NIT2: variants seen among roughly 807,000 people sequenced by gnomAD.
NIT2 encodes omega-amidase NIT2.
A neutral mutation model predicts 42.7 loss-of-function variants in NIT2; 46 were observed. The ratio of observed to expected loss-of-function variants is 1.08; its 90% CI spans 0.85 to 1.38. The LOEUF is 1.38. Ranked by LOEUF, NIT2 falls within the 40% of genes most tolerant of loss-of-function variation. The pLI is 0.00. For synonymous variants in NIT2, 123 were observed against 121.9 expected (o/e 1.01, Z -0.06); for missense variants, 309 against 342.5 (o/e 0.90, Z 0.77).
intron 7 of NIT2, chr3:100,350,113 C>G (rs1290668461): frequency 6.6e-6 from 1 of 152,136 alleles, no homozygotes. Flanking sequence ...TAGTACTCCT[C>G]CCTCTGCCTA....
At chr3:100,339,390 G>C (rs1043850794) in intron 2 of NIT2, among the ~76,000 whole-genome samples, 185 bp downstream of exon 2, 1 of 152,108 alleles carries the variant, frequency 6.6e-6, no homozygotes, top group South Asian at 2.1e-4. Context: ...GTGCCAACAC[G>C]GTCATAGGTC....
chr3:100,352,060 A>G (rs1706280527), intron 7 of NIT2, among the ~76,000 whole-genome samples: 1 of 152,214 alleles, frequency 6.6e-6, no homozygotes. Context: ...CCACAATGAG[A>G]TACCATCTCA....
At chr3:100,338,207 CT>C (rs1312076002) in intron 1 of NIT2, among the ~76,000 whole-genome samples, 2 of 152,228 alleles carry the variant, frequency 1.3e-5, no homozygotes, top group Admixed American at 6.5e-5. Flanking sequence ...CCCCAACCTC[CT>C]TGCTCCAGGG....
At chr3:100,347,937 C>G (rs572931181) in intron 6 of NIT2, among the ~76,000 whole-genome samples, 73 of 152,002 alleles carry the variant, frequency 4.8e-4, no homozygotes, top group African/African-American at 1.6e-3. Flanking sequence ...GTTGCCCAGG[C>G]TGGAGTGCAG....
rs1706348493 is a variant in NIT2 at position 100,358,986 on chromosome 3, T to C, written c.*3718T>C. The C allele has an allele frequency of 6.6e-6, 1 of 152,228 alleles. No homozygotes were observed. The highest frequency in any genetic ancestry group is 2.1e-4 in the South Asian group (1 of 4,832). 9.4% of individuals were successfully genotyped at this position (152,228 alleles called of 1,614,324 possible). The stretch of plus-strand genomic sequence containing the variant: ...CTCTTCCTTATGCCTCATAACCACC[T>C]GTGTGTGACAGTTTCACATTTCCTA... On this transcript the variant is annotated 3_prime_UTR_variant, in exon 10 of 10. Coordinates refer to ENST00000394140, the MANE Select transcript of NIT2 (RefSeq NM_020202.5).
chr3:100,347,559 A>G (rs932728046), intron 6 of NIT2, among the ~76,000 whole-genome samples: 10 of 151,858 alleles, frequency 6.6e-5, no homozygotes, highest in African/African-American at 2.4e-4. Context: ...CCTCCCAAGT[A>G]GCTGGGACTC....
intron 1 of NIT2, among the ~76,000 whole-genome samples, chr3:100,337,482 C>T (rs277623): frequency 0.15 from 22,152 of 152,092 alleles, 2,986 homozygotes; most frequent in East Asian, 0.49. Context: ...GAGACTGAGT[C>T]TCACTCTGTC....
chr3:100,343,979 T>C (rs1706183386), intron 4 of NIT2, among the ~76,000 whole-genome samples: 1 of 152,210 alleles, frequency 6.6e-6, no homozygotes, highest in Non-Finnish European at 1.5e-5. Context: ...ACCAAACTCT[T>C]ATCTTCTTTG....
chr3:100,338,941 T>A, intron 1 of NIT2, 146 bp from the exon 2 acceptor site: 1 of 690,064 alleles, frequency 1.4e-6, no homozygotes, highest in Non-Finnish European at 2.7e-6. Flanking sequence ...CACTCATACC[T>A]CATCAGTTGT....
intron 7 of NIT2, among the ~76,000 whole-genome samples, chr3:100,351,396 T>TA (rs1706270860): frequency 6.6e-6 from 1 of 152,134 alleles, no homozygotes; most frequent in East Asian, 1.9e-4. Flanking sequence ...ATGGTACTGG[T>TA]ACCAAAACAG....
At chr3:100,345,992 G>C (rs1576201132) in intron 5 of NIT2, 189 bp from the exon 6 acceptor site, 1 of 606,510 alleles carries the variant, frequency 1.6e-6, no homozygotes. Flanking sequence ...TTACTCCGCT[G>C]ATGTAAATGA....
At position 100,355,278 on chromosome 3, in the gene NIT2, T is replaced by G. The variant is rs1260708926; in HGVS notation, c.*10T>G. The G allele has an allele frequency of 1.9e-6, 3 of 1,585,420 alleles. No individual in the cohort carries two copies. Among genetic ancestry groups the G allele is most frequent in the South Asian group, 1.1e-5 (1 of 90,292 alleles). Reference sequence around the variant, plus strand: ...GATGAAAAAGCCCTAAAGTTTATGTTTCTAATGTGTCACAGAATAGGACGA... The same window carrying G: ...GATGAAAAAGCCCTAAAGTTTATGTGTCTAATGTGTCACAGAATAGGACGA... On this transcript the variant is annotated 3_prime_UTR_variant, in exon 10 of 10. Coordinates refer to ENST00000394140, the MANE Select transcript of NIT2 (RefSeq NM_020202.5).
intron 4 of NIT2, 149 bp downstream of exon 4, chr3:100,341,310 G>T: frequency 1.7e-6 from 1 of 601,854 alleles, no homozygotes; most frequent in Non-Finnish European, 3.0e-6. Context: ...GTTATTCTTG[G>T]CCATTTGCAT....
chr3:100,347,477 G>C (rs971455718), intron 6 of NIT2, among the ~76,000 whole-genome samples: 10 of 152,138 alleles, frequency 6.6e-5, no homozygotes, highest in African/African-American at 2.4e-4. Flanking sequence ...TGTCACCCAG[G>C]CTAGAGTGCA....
rs548434361 is a variant in NIT2 at position 100,358,602 on chromosome 3, C to T, written c.*3334C>T. 3 of 152,266 alleles carry T rather than the reference C, an allele frequency of 2.0e-5. No individual in the cohort carries two copies. Among genetic ancestry groups the T allele is most frequent in the South Asian group, 4.1e-4 (2 of 4,824 alleles). 9.4% of individuals were successfully genotyped at this position (152,266 alleles called of 1,614,324 possible). A position where few individuals can be genotyped will look rare whatever the true frequency, so the allele number is the denominator to read the frequency against. On this transcript the variant is annotated 3_prime_UTR_variant, in exon 10 of 10. Coordinates refer to ENST00000394140, the MANE Select transcript of NIT2 (RefSeq NM_020202.5). ...GGTGAAAGTTCTACTTGACTTTGAC[C>T]TAGCTGTTTGAAGCTGAGAGCTAAC...
intron 7 of NIT2, chr3:100,349,444 T>C (rs977079164): frequency 4.6e-5 from 7 of 152,320 alleles, no homozygotes; most frequent in African/African-American, 9.7e-5. Context: ...CAATATTCAG[T>C]GTATTAGATG....
Position 100,348,843 on chromosome 3 carries a change from C to A in NIT2, c.546C>A (p.Thr182=). ...TATATCCAGGAGCTTTTAATCTGAC[C>A]ACTGGACCAGCCCATTGGGAGTTAC... ...LLVYPGAFNL[T]TGPAHWELLQ... The change falls in exon 7 of 10, where the codon ACC becomes ACA. Residue 182 remains threonine, a synonymous_variant. Transcript: ENST00000394140. 6.2e-7 allele frequency: 1 copy of A among 1,614,046 alleles called. No individual in the cohort carries two copies. The highest frequency in any genetic ancestry group is 2.2e-5 in the East Asian group (1 of 44,870).
At chr3:100,335,268 CTT>C (rs973765137) in intron 1 of NIT2, among the ~76,000 whole-genome samples, 2 of 152,228 alleles carry the variant, frequency 1.3e-5, no homozygotes, top group African/African-American at 4.8e-5. Context: ...TGTTCAGTGA[CTT>C]TGTGCAGCTT....
intron 7 of NIT2, 108 bp downstream of exon 7, chr3:100,348,989 C>T (rs1706245971): frequency 3.4e-6 from 3 of 870,936 alleles, no homozygotes; most frequent in East Asian, 5.2e-5. Flanking sequence ...GTCCCTGACT[C>T]AGGATGCCCT....
Sources: allele counts gnomAD v4.1 joint callset (sites outside exome capture counted in the v4.1 genomes callset), GRCh38; gene constraint gnomAD v4.1.1; transcripts MANE v1.5; gene names NCBI Gene and HGNC (gene_info 2026-07-23, HGNC 2026-07-21).